Variants in ZNF76 observed in about 807,000 individuals in gnomAD.
ZNF76 encodes the protein zinc finger protein 523.
A neutral mutation model predicts 66.9 loss-of-function variants in ZNF76; 66 were observed. The observed-to-expected ratio is 0.99, with a 90% CI of 0.81 to 1.21. The LOEUF (loss-of-function observed/expected upper bound fraction) is 1.21. ZNF76 is among the 50% of genes most tolerant of loss of function. The pLI, the probability that ZNF76 is intolerant of heterozygous loss-of-function variation, is 0.00. For missense variants in ZNF76, 729 were observed against 760.3 expected (o/e 0.96, Z 0.48); for synonymous variants, 275 against 296.1 (o/e 0.93, Z 0.73).
chr6:35,295,198 C>A lies in ZNF76; in HGVS notation c.1663C>A (p.Gln555Lys), dbSNP rs751760034. 19 of 1,611,884 alleles carry A rather than the reference C, an allele frequency of 1.2e-5. No individual in the cohort carries two copies. Among genetic ancestry groups the A allele is most frequent in the Non-Finnish European group, 1.4e-5 (17 of 1,179,138 alleles). ...EAINVATAAM[Q>K]QGAVTLETTV... ...CATCAATGTGGCCACTGCGGCCATG[C>A]AGCAAGGGGCTGTGACCCTGGAGAC... Residue 555 changes from glutamine to lysine, a missense_variant, in exon 14 of 14, where the codon CAG becomes AAG. By Grantham distance (53) the Gln-to-Lys change is moderately conservative. Transcript: ENST00000373953.
intron 1 of ZNF76, among the ~76,000 whole-genome samples, chr6:35,274,950 C>T (rs955963602): frequency 2.0e-5 from 3 of 151,888 alleles, no homozygotes; most frequent in Admixed American, 1.3e-4. Context: ...GTCAGGAGTT[C>T]GAGATCAGCC....
At chr6:35,266,525 C>T (rs17511800) in intron 1 of ZNF76, among the ~76,000 whole-genome samples, 1,889 of 152,210 alleles carry the variant, frequency 0.012, 19 homozygotes, top group Middle Eastern at 0.024. Flanking sequence ...ATGTCAAGTT[C>T]GAAGTGTTTT....
chr6:35,293,616 T>G, intron 11 of ZNF76, 135 bp from the exon 12 acceptor site: 2 of 1,066,106 alleles, frequency 1.9e-6, no homozygotes, highest in Non-Finnish European at 2.7e-6. Context: ...TGTTTGCCTG[T>G]CACCCATCCC....
chr6:35,289,746 C>T (rs989396231), intron 5 of ZNF76, among the ~76,000 whole-genome samples: 5 of 152,192 alleles, frequency 3.3e-5, no homozygotes, highest in African/African-American at 9.7e-5. Context: ...CCACCTCACT[C>T]TGGGCCCCAA....
intron 1 of ZNF76, among the ~76,000 whole-genome samples, chr6:35,265,582 T>C (rs1371298919): frequency 6.6e-6 from 1 of 151,350 alleles, no homozygotes. Context: ...ATAGGGTAGT[T>C]GAAGAGGTTC....
At chr6:35,290,031 C>A (rs937457501) in intron 5 of ZNF76, among the ~76,000 whole-genome samples, 12 of 152,172 alleles carry the variant, frequency 7.9e-5, no homozygotes, top group African/African-American at 2.7e-4. Context: ...CCACTATGAC[C>A]TGTAGGTCTC....
rs537031889 is a variant in ZNF76 at position 35,269,446 on chromosome 6, A to G, written c.-97+9605A>G. ...GCCTCTTTTCTAGTGCCTCTATTTG[A>G]CATTCCCTTAGAGCTGGCCCTCTGG... On this transcript the variant is annotated intron_variant, in intron 1 of 13. Transcript: ENST00000373953. Among the ~76,000 whole-genome samples the G allele has an allele frequency of 2.2e-4, 33 of 152,222 alleles. No homozygotes were observed. The East Asian group carries it at 6.0e-3, about 28-fold the overall frequency.
intron 1 of ZNF76, among the ~76,000 whole-genome samples, chr6:35,276,759 C>T (rs771497163): frequency 7.6e-5 from 11 of 145,246 alleles, no homozygotes; most frequent in Admixed American, 2.1e-4. Context: ...CCTATGTCTG[C>T]TTTGTTTTTA....
chr6:35,260,516 G>A (rs1309656285), intron 1 of ZNF76, among the ~76,000 whole-genome samples: 1 of 152,162 alleles, frequency 6.6e-6, no homozygotes, highest in African/African-American at 2.4e-5. Flanking sequence ...CAGCCCTTCA[G>A]TGTCAATCAG....
intron 7 of ZNF76, 39 bp downstream of exon 7, chr6:35,290,755 G>A: frequency 6.2e-7 from 1 of 1,605,062 alleles, no homozygotes; most frequent in Non-Finnish European, 8.5e-7. Context: ...TGAGGGTGGA[G>A]GGTTCTCGTT....
At chr6:35,262,693 T>G (rs1419670690) in intron 1 of ZNF76, among the ~76,000 whole-genome samples, 1 of 152,218 alleles carries the variant, frequency 6.6e-6, no homozygotes, top group Non-Finnish European at 1.5e-5. Flanking sequence ...CCACATTCTG[T>G]GACCTGAAAC....
intron 1 of ZNF76, among the ~76,000 whole-genome samples, chr6:35,266,950 A>G (rs571901960): frequency 4.5e-4 from 68 of 150,020 alleles, no homozygotes; most frequent in Non-Finnish European, 4.1e-4. Context: ...ACAGGTGCCC[A>G]CCACCGCGCC....
chr6:35,273,666 A>C (rs1291042808), intron 1 of ZNF76, among the ~76,000 whole-genome samples: 1 of 150,294 alleles, frequency 6.7e-6, no homozygotes, highest in Non-Finnish European at 1.5e-5. Context: ...CTGTAATCCC[A>C]GCTACTCAGG....
chr6:35,280,519 C>G (rs370090262), intron 1 of ZNF76, among the ~76,000 whole-genome samples: 1,175 of 106,450 alleles, frequency 0.011, 46 homozygotes, highest in African/African-American at 0.044. Context: ...AGCATGATCC[C>G]CCCCCCCCCC....
At chr6:35,284,308 G>A (rs979284596) in intron 2 of ZNF76, among the ~76,000 whole-genome samples, 6 of 151,984 alleles carry the variant, frequency 3.9e-5, no homozygotes, top group Non-Finnish European at 5.9e-5. Flanking sequence ...TGGCTAGACT[G>A]GTCTCGAACT....
rs760368256 is a variant in ZNF76 at position 35,286,178 on chromosome 6, G to A, written c.124G>A (p.Ala42Thr). ...GATCCAGCTCGAGGATGGGACCACC[G>A]CATACATTCACCAGGTGACGGTACA... is the stretch of plus-strand genomic sequence containing the variant. ...QVIQLEDGTTAYIHQVTVQKE... is the reference protein window; with the variant it reads ...QVIQLEDGTTTYIHQVTVQKE... Residue 42 changes from alanine (A) to threonine (T), a missense_variant, in exon 3 of 14, where the codon GCA becomes ACA. Transcript: ENST00000373953. 1.5e-5 allele frequency: 25 copies of A among 1,614,000 alleles called. No homozygotes were observed. Among genetic ancestry groups the A allele is most frequent in the Admixed American group, 5.0e-5 (3 of 60,004 alleles).
intron 1 of ZNF76, among the ~76,000 whole-genome samples, chr6:35,260,066 C>T (rs61415782): frequency 0.019 from 2,843 of 150,714 alleles, 47 homozygotes; most frequent in African/African-American, 0.041. Context: ...CACCCCGTGA[C>T]GGCGCCCGCC....
chr6:35,291,656 C>T lies in ZNF76; in HGVS notation c.850C>T (p.Pro284Ser). The change falls in exon 9 of 14, where the codon CCC becomes TCC. Residue 284 changes from proline to serine, a missense_variant. Physicochemically the swap from Pro to Ser is moderately conservative, Grantham distance 74. Transcript: ENST00000373953. ...VHVRTHTGER[P>S]YTCPEPHCGR... ...TGTGCGCACCCACACAGGCGAGAGG[C>T]CCTACACCTGCCCGGAGCCCCACTG... The T allele has an allele frequency of 6.2e-7, 1 of 1,613,932 alleles. No homozygotes were observed. Among genetic ancestry groups the T allele is most frequent in the Non-Finnish European group, 8.5e-7 (1 of 1,179,966 alleles).
chr6:35,290,241 A>G (rs766396885), intron 5 of ZNF76, 25 bp from the exon 6 acceptor site: 3 of 1,613,612 alleles, frequency 1.9e-6, no homozygotes, highest in African/African-American at 2.7e-5. Context: ...GAATACATAT[A>G]GGGATCTCAA....
Sources: gnomAD v4.1 joint callset for allele counts (sites outside exome capture counted in the v4.1 genomes callset) on GRCh38, gnomAD v4.1.1 for gene constraint, MANE v1.5 for transcripts, NCBI Gene and HGNC (gene_info 2026-07-23, HGNC 2026-07-21) for gene names.